Variants in TRIM26 observed in about 807,000 individuals in gnomAD.
TRIM26 encodes the protein tripartite motif-containing protein 26.
In TRIM26, 16 loss-of-function variants were observed where a neutral mutation model predicts 45.5. That is an observed-to-expected ratio of 0.35 (90% CI 0.24 to 0.53). The LOEUF (loss-of-function observed/expected upper bound fraction) is 0.53, where lower values mean the gene tolerates loss of function less well. TRIM26 is among the 20% of genes least tolerant of loss of function. The probability of loss-of-function intolerance (pLI) is 0.92; values close to 1 mark genes in which losing one functional copy is unlikely to be tolerated. For synonymous variants in TRIM26, 273 were observed against 290.4 expected, an observed-to-expected ratio of 0.94 and a Z score of 0.61; for missense variants, 442 against 691.1, an observed-to-expected ratio of 0.64 and a Z score of 4.04.
rs1459037793 is a variant in TRIM26 at position 30,198,616 on chromosome 6, G to A, written c.438+50C>T. The A allele has an allele frequency of 6.2e-7, 1 of 1,608,266 alleles. No homozygotes were observed. ...TGAGTCCTCTGAGGACTGCAAGGTG[G>A]AGCATCCAGAGAAGGTGGCAAGGCA... On this transcript the variant is annotated intron_variant, in intron 4 of 9. Coordinates refer to ENST00000454678, the MANE Select transcript of TRIM26 (RefSeq NM_003449.5). This position sits in a 1 kb window ranked among gnomAD's most constrained non-coding sequence, Gnocchi z 6.3.
chr6:30,188,286 C>T (rs1775436130), intron 9 of TRIM26: 2 of 455,446 alleles, frequency 4.4e-6, no homozygotes, highest in Non-Finnish European at 7.3e-6. Context: ...CAAGTTCTTG[C>T]AAAGCATCAT....
At chr6:30,197,495 T>A (rs1445555300) in intron 5 of TRIM26, among the ~76,000 whole-genome samples, 1 of 151,976 alleles carries the variant, frequency 6.6e-6, no homozygotes, top group Non-Finnish European at 1.5e-5. Flanking sequence ...CATACACAGT[T>A]CCCCAGAAAA....
chr6:30,211,246 G>T (rs1360071980), intron 1 of TRIM26, among the ~76,000 whole-genome samples: 1 of 151,990 alleles, frequency 6.6e-6, no homozygotes, highest in East Asian at 1.9e-4. Context: ...ACATTACCTA[G>T]ATATCTCTTG....
Position 30,186,639 on chromosome 6 carries a change from T to C in TRIM26, c.938-81A>G, listed in dbSNP as rs745962211. ...AAGTCAGAGGGAATAAAATTTATTT[T>C]GGCAGATAGCGTTAAACAAAATTAA... is the stretch of plus-strand genomic sequence containing the variant. On this transcript the variant is annotated intron_variant, in intron 9 of 9. Coordinates refer to ENST00000454678, the MANE Select transcript of TRIM26 (RefSeq NM_003449.5). The surrounding 1 kb of genome is among the most constrained non-coding windows in gnomAD (Gnocchi z 7.4). 50 of 1,447,256 alleles carry C rather than the reference T, an allele frequency of 3.5e-5. No individual in the cohort carries two copies. The highest frequency in any genetic ancestry group is 4.0e-5 in the Non-Finnish European group (44 of 1,099,608). The allele number at this position is 1,447,256 out of a possible 1,614,324, so 89.7% of individuals were successfully genotyped here.
At position 30,189,267 on chromosome 6, in the gene TRIM26, A is replaced by G; in HGVS notation, c.905-68T>C. The stretch of plus-strand genomic sequence containing the variant: ...TTATGAGCCCATTTCTTGCTCGGGC[A>G]GTATCAATTTCCTGATAGGGATCCA... On this transcript the variant is annotated intron_variant, in intron 8 of 9. Transcript: ENST00000454678. The surrounding 1 kb of genome is among the most constrained non-coding windows in gnomAD (Gnocchi z 5.0). The G allele has an allele frequency of 6.2e-7, 1 of 1,607,654 alleles. No homozygotes were observed. Among genetic ancestry groups the G allele is most frequent in the South Asian group, 1.1e-5 (1 of 90,974 alleles).
intron 5 of TRIM26, among the ~76,000 whole-genome samples, chr6:30,197,094 A>C (rs1468727766): frequency 6.6e-6 from 1 of 152,044 alleles, no homozygotes; most frequent in African/African-American, 2.4e-5. Flanking sequence ...TCCTGGACAA[A>C]ATCTGTCACC....
Position 30,186,964 on chromosome 6 carries a change from A to G in TRIM26, c.938-406T>C, listed in dbSNP as rs920808114. 1 of 468,506 alleles carries G rather than the reference A, an allele frequency of 2.1e-6. No homozygotes were observed. The highest frequency in any genetic ancestry group is 3.9e-6 in the Non-Finnish European group (1 of 255,720). The allele number at this position is 468,506 out of a possible 1,614,324, so 29.0% of individuals were successfully genotyped here. A position where few individuals can be genotyped will look rare whatever the true frequency, so the allele number is the denominator to read the frequency against. On this transcript the variant is annotated intron_variant, in intron 9 of 9. Transcript: ENST00000454678. The surrounding 1 kb of genome is among the most constrained non-coding windows in gnomAD (Gnocchi z 7.4). ...TCCAGAAAAAAAGTCCTCTTTTTCA[A>G]GTAACTCTTGATATGCTTCTTGGTA...
chr6:30,203,480 A>G (rs1012967753), intron 2 of TRIM26, among the ~76,000 whole-genome samples: 6 of 152,066 alleles, frequency 3.9e-5, no homozygotes, highest in African/African-American at 1.4e-4. Context: ...GCAATGGCGC[A>G]ATCTGGCTCA....
Position 30,189,569 on chromosome 6 carries a change from G to T in TRIM26, c.789-36C>A. 1 of 1,539,666 alleles carries T rather than the reference G, an allele frequency of 6.5e-7. No individual in the cohort carries two copies. The highest frequency in any genetic ancestry group is 9.0e-7 in the Non-Finnish European group (1 of 1,114,264). On this transcript the variant is annotated intron_variant, in intron 7 of 9. Coordinates refer to ENST00000454678, the MANE Select transcript of TRIM26 (RefSeq NM_003449.5). This position sits in a 1 kb window ranked among gnomAD's most constrained non-coding sequence, Gnocchi z 5.0. Reference sequence around the variant, plus strand: ...GACATACATAACAAGCTGTTACTCAGCTCTTCTTACTTTCCTTCATACTTA... The same window carrying T: ...GACATACATAACAAGCTGTTACTCATCTCTTCTTACTTTCCTTCATACTTA...
chr6:30,202,503 A>G (rs2517610), intron 2 of TRIM26, among the ~76,000 whole-genome samples: 35,511 of 152,182 alleles, frequency 0.23, 4,693 homozygotes, highest in African/African-American at 0.35. Flanking sequence ...ACATACCTTC[A>G]TAAGGAAGAG....
chr6:30,197,514 A>G (rs1776615551), intron 5 of TRIM26, among the ~76,000 whole-genome samples: 1 of 152,130 alleles, frequency 6.6e-6, no homozygotes, highest in Admixed American at 6.5e-5. Context: ...AATCAGAACC[A>G]TTTGATCAGT....
At chr6:30,194,482 C>T (rs926334040) in intron 6 of TRIM26, among the ~76,000 whole-genome samples, 10 of 152,222 alleles carry the variant, frequency 6.6e-5, no homozygotes, top group Admixed American at 3.3e-4. Context: ...TGTTCCAACA[C>T]AAAGAAATGA....
intron 1 of TRIM26, among the ~76,000 whole-genome samples, chr6:30,208,392 G>A (rs1202785633): frequency 6.6e-6 from 1 of 152,056 alleles, no homozygotes; most frequent in African/African-American, 2.4e-5. Flanking sequence ...TGGTTGTTGT[G>A]GAGTAAATTG....
intron 5 of TRIM26, among the ~76,000 whole-genome samples, chr6:30,197,665 T>G (rs1477322908): frequency 1.3e-5 from 2 of 152,212 alleles, no homozygotes; most frequent in Non-Finnish European, 2.9e-5. Flanking sequence ...CAAGTTCTTA[T>G]GTAAAATGGA....
At chr6:30,200,115 A>G (rs1025226391) in intron 3 of TRIM26, among the ~76,000 whole-genome samples, 2 of 152,138 alleles carry the variant, frequency 1.3e-5, no homozygotes, top group African/African-American at 4.8e-5. Flanking sequence ...AACTAAAAAA[A>G]TTTAAAAATT....
Position 30,189,253 on chromosome 6 carries a change from T to C in TRIM26, c.905-54A>G. ...CAAGTCCCGAAAATTTATGAGCCCA[T>C]TTCTTGCTCGGGCAGTATCAATTTC... is the stretch of plus-strand genomic sequence containing the variant. On this transcript the variant is annotated intron_variant, in intron 8 of 9. Coordinates refer to ENST00000454678, the MANE Select transcript of TRIM26 (RefSeq NM_003449.5). This position sits in a 1 kb window ranked among gnomAD's most constrained non-coding sequence, Gnocchi z 5.0. 1.2e-6 allele frequency: 2 copies of C among 1,611,584 alleles called. No homozygotes were observed. Among genetic ancestry groups the C allele is most frequent in the South Asian group, 2.2e-5 (2 of 91,046 alleles).
At chr6:30,212,380 C>T (rs1018410655) in intron 1 of TRIM26, among the ~76,000 whole-genome samples, 21 of 152,266 alleles carry the variant, frequency 1.4e-4, no homozygotes, top group Admixed American at 1.0e-3. Flanking sequence ...AATCTGAACA[C>T]ACTATGGACT....
In TRIM26 at chr6:30,198,337, G is replaced by T; in HGVS notation, c.534+92C>A. ...CCATCCTCCCTGTGAGCAGCGCCTA[G>T]AAACACCTCCCAGCTGCCGCCTACT... On this transcript the variant is annotated intron_variant, in intron 5 of 9. Transcript: ENST00000454678. The surrounding 1 kb of genome is among the most constrained non-coding windows in gnomAD (Gnocchi z 6.3). 2 of 1,431,248 alleles carry T rather than the reference G, an allele frequency of 1.4e-6. No individual in the cohort carries two copies. The highest frequency in any genetic ancestry group is 2.0e-6 in the Non-Finnish European group (2 of 1,023,960). The allele number at this position is 1,431,248 out of a possible 1,614,324, so 88.7% of individuals were successfully genotyped here.
chr6:30,187,567 T>C, intron 9 of TRIM26: 1 of 467,066 alleles, frequency 2.1e-6, no homozygotes, highest in Non-Finnish European at 4.4e-6. Context: ...CGGAAGGTGC[T>C]ACTCTCTGTG....
Sources: allele counts gnomAD v4.1 joint callset (sites outside exome capture counted in the v4.1 genomes callset), GRCh38; gene constraint gnomAD v4.1.1; non-coding constraint Gnocchi (gnomAD v3.1); transcripts MANE v1.5; gene names NCBI Gene and HGNC (gene_info 2026-07-23, HGNC 2026-07-21).